Variants in KCNK9 observed in about 807,000 individuals in gnomAD.
KCNK9 encodes the protein potassium channel subfamily K member 9.
In KCNK9, 1 loss-of-function variant was observed where a neutral mutation model predicts 10.8. The ratio of observed to expected loss-of-function variants is 0.09; its 90% CI spans 0.03 to 0.44. The LOEUF (loss-of-function observed/expected upper bound fraction) is 0.44, where lower values mean the gene tolerates loss of function less well. Ranked by LOEUF, KCNK9 falls within the 20% of genes least tolerant of loss-of-function variation. The pLI is 0.97. For synonymous variants in KCNK9, 231 were observed against 222.7 expected, an observed-to-expected ratio of 1.04 and a Z score of -0.33; for missense variants, 303 against 515.0, an observed-to-expected ratio of 0.59 and a Z score of 3.98.
chr8:139,608,522 G>A (rs1391701344), downstream of KCNK9, among the ~76,000 whole-genome samples: 1 of 152,036 alleles, frequency 6.6e-6, no homozygotes, highest in African/African-American at 2.4e-5. Flanking sequence ...TGGGACAGGC[G>A]GCCAGCCTGG....
chr8:139,689,580 A>G (rs536489317), intron 1 of KCNK9, among the ~76,000 whole-genome samples: 12 of 151,484 alleles, frequency 7.9e-5, no homozygotes, highest in Admixed American at 7.2e-4. Context: ...TGACAGCATC[A>G]TGGCAGTGTC....
In KCNK9 at chr8:139,618,726, G is replaced by C. The variant is rs776170367; in HGVS notation, c.657C>G (p.Leu219=). The C allele has an allele frequency of 1.7e-5, 28 of 1,614,078 alleles. No homozygotes were observed. Among genetic ancestry groups the C allele is most frequent in the Non-Finnish European group, 3.4e-6 (4 of 1,180,032 alleles). Residue 219 remains leucine, a synonymous_variant, in exon 2 of 2, where the codon CTC becomes CTG. Coordinates refer to ENST00000520439, the MANE Select transcript of KCNK9 (RefSeq NM_001282534.2). This position sits in a 1 kb window ranked among gnomAD's most constrained non-coding sequence, Gnocchi z 7.9. ...TATACATAAAGCTAAAGGCCACGTA[G>C]AGCGGCTTCTTCTGCAGGGCACCCT... ...QTKGALQKKP[L]YVAFSFMYIL... is the part of the protein sequence containing the mutation.
chr8:139,617,542 T>C lies in KCNK9; in HGVS notation c.*716A>G, dbSNP rs567486748. On this transcript the variant is annotated 3_prime_UTR_variant, in exon 2 of 2. Transcript: ENST00000520439. ...TTGCCCACCCGCCCCTAAAAAACAT[T>C]AATATAATTTAGAACCTAGCATTTA... Among the ~76,000 whole-genome samples the C allele has an allele frequency of 3.9e-5, 6 of 152,148 alleles. No homozygotes were observed. The South Asian group carries it at 1.2e-3, about 32-fold the overall frequency.
chr8:139,673,940 A>G (rs990039663), intron 1 of KCNK9, among the ~76,000 whole-genome samples: 2 of 152,038 alleles, frequency 1.3e-5, no homozygotes, highest in Non-Finnish European at 2.9e-5. Flanking sequence ...CAGCCACGGC[A>G]GCCCCGCCCC....
intron 1 of KCNK9, among the ~76,000 whole-genome samples, chr8:139,675,435 A>G (rs10105506): frequency 0.72 from 109,903 of 152,106 alleles, 40,056 homozygotes; most frequent in Non-Finnish European, 0.74. Context: ...TCCTGGGGGT[A>G]GAGCCCTCAA....
Position 139,702,765 on chromosome 8 carries a change from G to T in KCNK9, c.228C>A (p.Val76=). The part of the protein sequence containing the change: ...ILQSEPHRAG[V]QWKFAGSFYF... ...AGAAGGAGCCGGCGAATTTCCACTGGACGCCGGCGCGGTGCGGTTCCGACT... is the reference window on the plus strand; with the variant it reads ...AGAAGGAGCCGGCGAATTTCCACTGTACGCCGGCGCGGTGCGGTTCCGACT... Residue 76 remains valine (V), a synonymous_variant, in exon 1 of 2, where the codon GTC becomes GTA. Transcript: ENST00000520439. This position sits in a 1 kb window ranked among gnomAD's most constrained non-coding sequence, Gnocchi z 7.5. 2 of 1,613,068 alleles carry T rather than the reference G, an allele frequency of 1.2e-6. No homozygotes were observed. Among genetic ancestry groups the T allele is most frequent in the Non-Finnish European group, 1.7e-6 (2 of 1,179,708 alleles).
chr8:139,619,711 G>A (rs868265402), intron 1 of KCNK9, among the ~76,000 whole-genome samples: 5 of 152,200 alleles, frequency 3.3e-5, no homozygotes, highest in Non-Finnish European at 5.9e-5. Flanking sequence ...GATTTCTTCA[G>A]AGTTGGGATT....
intron 1 of KCNK9, among the ~76,000 whole-genome samples, chr8:139,643,985 G>A (rs1002442157): frequency 1.3e-5 from 2 of 152,230 alleles, no homozygotes; most frequent in Admixed American, 6.5e-5. Flanking sequence ...CATGAAGGCG[G>A]TGATTGTGGT....
rs1814681920 is a variant in KCNK9 at position 139,618,784 on chromosome 8, A to G, written c.599T>C (p.Ile200Thr). 4 of 1,614,152 alleles carry G rather than the reference A, an allele frequency of 2.5e-6. No homozygotes were observed. Among genetic ancestry groups the G allele is most frequent in the Non-Finnish European group, 3.4e-6 (4 of 1,180,030 alleles). ...YYYCFITLTT[I>T]GFGDYVALQT... The stretch of plus-strand genomic sequence containing the variant: ...CAGGGCCACGTAGTCCCCGAACCCA[A>G]TGGTAGTCAACGTGATGAAGCAGTA... The change falls in exon 2 of 2, where the codon ATT (isoleucine) becomes ACT (threonine). Residue 200 changes from isoleucine (I) to threonine (T), a missense_variant. Ile to Thr is a moderately conservative substitution (Grantham distance 89). This residue lies in a region of KCNK9 where 53 missense variants were observed against 134.9 expected (regional missense o/e 0.39). Coordinates refer to ENST00000520439, the MANE Select transcript of KCNK9 (RefSeq NM_001282534.2). The surrounding 1 kb of genome is among the most constrained non-coding windows in gnomAD (Gnocchi z 7.9).
chr8:139,675,964 T>C (rs570317302), intron 1 of KCNK9, among the ~76,000 whole-genome samples: 19 of 152,280 alleles, frequency 1.2e-4, no homozygotes, highest in East Asian at 3.9e-4. Flanking sequence ...GCAGAAATAA[T>C]ACACTGCTTT....
At chr8:139,626,795 G>A (rs983341619) in intron 1 of KCNK9, among the ~76,000 whole-genome samples, 8 of 152,310 alleles carry the variant, frequency 5.3e-5, no homozygotes, top group Middle Eastern at 3.4e-3. Context: ...AGTTTGTGCC[G>A]GTAAGAATTA....
At chr8:139,677,448 C>T (rs975108013) in intron 1 of KCNK9, among the ~76,000 whole-genome samples, 12 of 152,134 alleles carry the variant, frequency 7.9e-5, no homozygotes, top group Non-Finnish European at 4.4e-5. Flanking sequence ...TCACCCAGCT[C>T]GCCTGGGCTG....
At chr8:139,621,271 A>G (rs1017401512) in intron 1 of KCNK9, among the ~76,000 whole-genome samples, 17 of 149,734 alleles carry the variant, frequency 1.1e-4, no homozygotes, top group Admixed American at 6.6e-5. Flanking sequence ...AACCTGGGTG[A>G]CAGAGCGAGA....
At chr8:139,628,537 A>G (rs925555251) in intron 1 of KCNK9, among the ~76,000 whole-genome samples, 4 of 151,964 alleles carry the variant, frequency 2.6e-5, no homozygotes, top group African/African-American at 9.7e-5. Context: ...TTCCACATTG[A>G]CCCACGCTCC....
At chr8:139,610,117 G>A (rs1158857090), downstream of KCNK9, among the ~76,000 whole-genome samples, 2 of 152,068 alleles carry the variant, frequency 1.3e-5, no homozygotes, top group East Asian at 3.9e-4. Flanking sequence ...TCAAAATCAA[G>A]CTCATATTTC....
At chr8:139,632,523 CCA>C (rs1181869123) in intron 1 of KCNK9, among the ~76,000 whole-genome samples, 1 of 152,170 alleles carries the variant, frequency 6.6e-6, no homozygotes, top group East Asian at 1.9e-4. Context: ...CACAGCTGGG[CCA>C]CAGAGTCCCT....
intron 1 of KCNK9, among the ~76,000 whole-genome samples, chr8:139,672,262 C>G (rs529693397): frequency 3.9e-5 from 6 of 152,282 alleles, no homozygotes; most frequent in Non-Finnish European, 2.9e-5. Context: ...GGAGCAGGAC[C>G]AGGGGAGGGC....
chr8:139,659,367 G>C (rs985606509), intron 1 of KCNK9, among the ~76,000 whole-genome samples: 1 of 152,176 alleles, frequency 6.6e-6, no homozygotes, highest in African/African-American at 2.4e-5. Context: ...TTCCCCTCTT[G>C]TCTTTGTCCT....
intron 1 of KCNK9, among the ~76,000 whole-genome samples, chr8:139,630,738 T>G (rs1352890625): frequency 6.6e-6 from 1 of 152,208 alleles, no homozygotes; most frequent in Non-Finnish European, 1.5e-5. Flanking sequence ...ACAAGCGCAC[T>G]GCACATCGTG....
Sources: gnomAD v4.1 joint callset for allele counts (sites outside exome capture counted in the v4.1 genomes callset) on GRCh38, gnomAD v4.1.1 for gene constraint, gnomAD v4.1.1 regional missense constraint, Gnocchi (gnomAD v3.1) non-coding constraint, MANE v1.5 for transcripts, NCBI Gene and HGNC (gene_info 2026-07-23, HGNC 2026-07-21) for gene names.